Variants in PTPRH observed in about 807,000 individuals in gnomAD.
PTPRH encodes the protein protein tyrosine phosphatase receptor type H, also known as receptor-type tyrosine-protein phosphatase H.
PTPRH carries 113 observed loss-of-function variants against 130.2 expected under a neutral mutation model. The observed-to-expected ratio is 0.87, with a 90% CI of 0.75 to 1.01. The LOEUF is 1.01. PTPRH is among the 50% of genes least tolerant of loss of function. The pLI, the probability that PTPRH is intolerant of heterozygous loss-of-function variation, is 0.00. For missense variants in PTPRH, 1,430 were observed against 1,425.0 expected (o/e 1.00, Z -0.06); for synonymous variants, 556 against 577.9 (o/e 0.96, Z 0.54).
At chr19:55,202,358 T>C (rs759295071) in intron 5 of PTPRH, 36 bp from the exon 6 acceptor site, 3 of 1,609,020 alleles carry the variant, frequency 1.9e-6, no homozygotes, top group Non-Finnish European at 2.5e-6. Context: ...TCAGTTGTAG[T>C]TTCTGGCCCT....
intron 6 of PTPRH, among the ~76,000 whole-genome samples, chr19:55,200,963 AC>A (rs1319767187): frequency 4.9e-5 from 5 of 101,630 alleles, no homozygotes; most frequent in African/African-American, 1.1e-4. Context: ...AAAAAAACAA[AC>A]AAAAAAAACA....
intron 10 of PTPRH, among the ~76,000 whole-genome samples, chr19:55,193,020 G>C (rs1253917583): frequency 6.6e-6 from 1 of 151,736 alleles, no homozygotes; most frequent in East Asian, 2.0e-4. Context: ...CTTGAGCCCA[G>C]GAGTTTGAGA....
In PTPRH at chr19:55,203,900, GT is replaced by G; in HGVS notation, c.767del (p.Asn256ThrfsTer29). The G allele has an allele frequency of 6.2e-7, 1 of 1,614,198 alleles. No individual in the cohort carries two copies. The highest frequency in any genetic ancestry group is 1.7e-5 in the Admixed American group (1 of 60,012). On this transcript the variant is annotated frameshift_variant, in exon 5 of 20. Transcript: ENST00000376350. LOFTEE classifies it high-confidence loss of function. Reference protein sequence around the residue: ...TGDGGRTETRNTTDTRVTVDG... With the variant: ...TGDGGRTETRXTTDTRVTVDG... ...CCACGGTGACTCTGGTGTCTGTTGTGTTTCGAGTCTCTGTTCTGCCACCATC... is the reference window on the plus strand; with the variant it reads ...CCACGGTGACTCTGGTGTCTGTTGTGTTCGAGTCTCTGTTCTGCCACCATC...
rs764924895 is a variant in PTPRH, at chr19:55,204,011, C to T, written c.657G>A (p.Gln219=). The change falls in exon 5 of 20, where the codon CAG becomes CAA. Residue 219 remains glutamine (Q), a synonymous_variant. Coordinates refer to ENST00000376350, the MANE Select transcript of PTPRH (RefSeq NM_002842.5). ...NPVRNLRVEA[Q]TTSSISLSWE... is the part of the protein sequence containing the mutation. ...AGCTCAGGGAGATGGAGCTGGTGGT[C>T]TGAGCCTCCACTCTCAGGTTCCTCA... The T allele has an allele frequency of 4.3e-6, 7 of 1,614,004 alleles. No individual in the cohort carries two copies. In the Admixed American group the frequency reaches 1.2e-4, roughly 27 times the overall value.
rs746397950 is a variant in PTPRH, at chr19:55,200,409, T to C, written c.1247A>G (p.Asp416Gly). 1.1e-5 allele frequency: 18 copies of C among 1,614,034 alleles called. No individual in the cohort carries two copies. In the South Asian group the frequency reaches 1.8e-4, roughly 16 times the overall value. Residue 416 changes from aspartate to glycine, a missense_variant, in exon 7 of 20, where the codon GAC becomes GGC. Coordinates refer to ENST00000376350, the MANE Select transcript of PTPRH (RefSeq NM_002842.5). Reference protein sequence around the residue: ...WEVPDGPYPQDYTYWVEYTGD... With the variant: ...WEVPDGPYPQGYTYWVEYTGD... Reference sequence around the variant, plus strand: ...AGTGTACTCTACCCAGTAGGTGTAGTCCTGAGGGTATGGGCCATCGGGGAC... The same window carrying C: ...AGTGTACTCTACCCAGTAGGTGTAGCCCTGAGGGTATGGGCCATCGGGGAC...
chr19:55,186,170 A>C, intron 16 of PTPRH, 55 bp downstream of exon 16: 2 of 1,578,686 alleles, frequency 1.3e-6, no homozygotes, highest in Non-Finnish European at 1.7e-6. Context: ...ACATTGGATG[A>C]GTGTTCGGGG....
At chr19:55,207,667 A>G (rs1401275266) in intron 1 of PTPRH, among the ~76,000 whole-genome samples, 6 of 44,092 alleles carry the variant, frequency 1.4e-4, no homozygotes, top group Admixed American at 2.8e-4. Context: ...TGGACTCCTG[A>G]GTCTGAGGGA....
intron 4 of PTPRH, 81 bp downstream of exon 4, chr19:55,205,245 A>G: frequency 6.3e-7 from 1 of 1,578,682 alleles, no homozygotes; most frequent in Non-Finnish European, 8.6e-7. Flanking sequence ...CAGAGGGACT[A>G]TGGAATAGAA....
Position 55,203,206 on chromosome 19 carries a change from A to G in PTPRH, c.886+576T>C, listed in dbSNP as rs1298609670. Among the ~76,000 whole-genome samples, 5 of 151,124 alleles carry G rather than the reference A, an allele frequency of 3.3e-5. No homozygotes were observed. In the East Asian group the frequency reaches 6.0e-4, roughly 18 times the overall value. On this transcript the variant is annotated intron_variant, in intron 5 of 19. Transcript: ENST00000376350. ...GCCAGGTGTGGCGGTGTGCGCCTGT[A>G]GTCCCAGCTACTCGGGAGGCTGAGG... is the stretch of plus-strand genomic sequence containing the variant.
chr19:55,191,855 C>A (rs927278053), intron 10 of PTPRH, 114 bp from the exon 11 acceptor site: 2 of 894,470 alleles, frequency 2.2e-6, no homozygotes, highest in Non-Finnish European at 3.7e-6. Flanking sequence ...GACAGCTGAC[C>A]CCCGAACATC....
chr19:55,194,163 C>T, intron 10 of PTPRH: 1 of 1,288,728 alleles, frequency 7.8e-7, no homozygotes, highest in East Asian at 5.5e-5. Context: ...CTGGTGGTGT[C>T]TATGGGTGCT....
At chr19:55,205,223 C>A in intron 4 of PTPRH, 103 bp downstream of exon 4, 2 of 1,538,476 alleles carry the variant, frequency 1.3e-6, no homozygotes, top group Non-Finnish European at 1.8e-6. Flanking sequence ...GAGTACCTGG[C>A]TCAATGTGGC....
At chr19:55,187,323 T>C (rs375590430) in intron 14 of PTPRH, among the ~76,000 whole-genome samples, 190 bp downstream of exon 14, 7,938 of 94,446 alleles carry the variant, frequency 0.084, 293 homozygotes, top group African/African-American at 0.18. Flanking sequence ...CCAGCCTGGG[T>C]GACAGAGCGA....
In PTPRH at chr19:55,200,276, A is replaced by AT; in HGVS notation, c.1379dup (p.Asn460LysfsTer60). ...CATTCTGCCTGGAGCCACGTGCTCC[A>AT]TTTTTTTCTGCCCATACAGAGAATG... On this transcript the variant is annotated frameshift_variant, in exon 7 of 20. Transcript: ENST00000376350. LOFTEE classifies it high-confidence loss of function. 1 of 1,614,100 alleles carries AT rather than the reference A, an allele frequency of 6.2e-7. No individual in the cohort carries two copies. Among genetic ancestry groups the AT allele is most frequent in the Non-Finnish European group, 8.5e-7 (1 of 1,180,018 alleles).
At chr19:55,195,901 G>C (rs911358965) in intron 10 of PTPRH, among the ~76,000 whole-genome samples, 3 of 152,050 alleles carry the variant, frequency 2.0e-5, no homozygotes, top group African/African-American at 7.2e-5. Context: ...ACGTCCCAGA[G>C]AGGCAAATCT....
intron 9 of PTPRH, 59 bp from the exon 10 acceptor site, chr19:55,196,847 A>C (rs1600040150): frequency 1.3e-6 from 2 of 1,555,740 alleles, no homozygotes; most frequent in Non-Finnish European, 1.7e-6. Context: ...CACCCCCTCC[A>C]CCCCTACCCC....
Position 55,197,134 on chromosome 19 carries a change from C to T in PTPRH, c.1973G>A (p.Ser658Asn), listed in dbSNP as rs1415955215. The T allele has an allele frequency of 6.2e-7, 1 of 1,614,174 alleles. No homozygotes were observed. The highest frequency in any genetic ancestry group is 1.1e-5 in the South Asian group (1 of 91,090). ...ERNDVASSTQSLCASTYPDTV... is the reference protein window; with the variant it reads ...ERNDVASSTQNLCASTYPDTV... ...ATTCTCACATGTGGACGCACAGAGG[C>T]TCTGCGTGGAACTGGCTACGTCATT... Residue 658 changes from serine (S) to asparagine (N), a missense_variant, in exon 9 of 20, where the codon AGC becomes AAC. Ser to Asn is a conservative substitution (Grantham distance 46). Coordinates refer to ENST00000376350, the MANE Select transcript of PTPRH (RefSeq NM_002842.5).
At chr19:55,194,481 A>G (rs942080139) in intron 10 of PTPRH, among the ~76,000 whole-genome samples, 2 of 152,198 alleles carry the variant, frequency 1.3e-5, no homozygotes, top group African/African-American at 2.4e-5. Context: ...CAGTTCAAAC[A>G]GCATCCACTG....
intron 10 of PTPRH, among the ~76,000 whole-genome samples, chr19:55,194,811 A>G (rs1317447412): frequency 3.9e-5 from 6 of 152,184 alleles, no homozygotes; most frequent in Non-Finnish European, 8.8e-5. Context: ...ACCTATCCAC[A>G]AACGTTCCTA....
Sources: gnomAD v4.1 joint callset for allele counts (sites outside exome capture counted in the v4.1 genomes callset) on GRCh38, gnomAD v4.1.1 for gene constraint, MANE v1.5 for transcripts, NCBI Gene and HGNC (gene_info 2026-07-23, HGNC 2026-07-21) for gene names.